The following DDX17 variants were observed in gnomAD, a reference collection of about 807,000 sequenced individuals.
The protein encoded by DDX17 is DEAD-box helicase 17, also known as probable ATP-dependent RNA helicase DDX17.
A neutral mutation model predicts 80.8 loss-of-function variants in DDX17; 10 were observed. The ratio of observed to expected loss-of-function variants is 0.12; its 90% CI spans 0.08 to 0.21. The LOEUF is 0.21. Among genes scored for constraint, DDX17 ranks in the 10% least tolerant of loss-of-function variants. The pLI is 1.00. For synonymous variants in DDX17, 339 were observed against 336.2 expected (o/e 1.01, Z -0.09); for missense variants, 586 against 957.4 (o/e 0.61, Z 5.12).
intron 9 of DDX17, 25 bp from the exon 10 acceptor site, chr22:38,493,796 T>C (rs1440942239): frequency 6.2e-7 from 1 of 1,604,790 alleles, no homozygotes; most frequent in Non-Finnish European, 8.5e-7. Context: ...GTGACCAATA[T>C]TTTAAAAATC....
Position 38,490,091 on chromosome 22 carries a change from T to A in DDX17, c.1447+1965A>T, listed in dbSNP as rs2089698288. ...ATGCAAGTTCTTCATACTAGAAAGG[T>A]GTCCTGTGTGTGCATGCACAGCTGG... On this transcript the variant is annotated intron_variant, in intron 11 of 12. Coordinates refer to ENST00000403230, the MANE Select transcript of DDX17 (RefSeq NM_006386.5). 5.5e-6 allele frequency: 6 copies of A among 1,100,038 alleles called. No homozygotes were observed. In the South Asian group the frequency reaches 1.1e-4, roughly 21 times the overall value. 68.1% of individuals were successfully genotyped at this position (1,100,038 alleles called of 1,614,324 possible).
rs187286964 is a variant in DDX17, at chr22:38,500,607, G to A, written c.438+523C>T. Among the ~76,000 whole-genome samples, 398 of 150,922 alleles carry A rather than the reference G, an allele frequency of 2.6e-3. 1 individual carries two copies. The highest frequency in any genetic ancestry group is 0.021 in the Middle Eastern group (6 of 286). On this transcript the variant is annotated intron_variant, in intron 2 of 12. Coordinates refer to ENST00000403230, the MANE Select transcript of DDX17 (RefSeq NM_006386.5). ...GTCGATCACCTGAGGTCCGAGGTCC[G>A]GAGTTTGAGACCAGCCTGCCCAACA...
In DDX17 at chr22:38,483,967, A is replaced by C. The variant is rs1238603559; in HGVS notation, c.*1968T>G. The stretch of plus-strand genomic sequence containing the variant: ...CCCAGGTGGAAAAAGGGAAGCAAGC[A>C]ATCCAAATAACCACTTGCTTGCCCA... On this transcript the variant is annotated 3_prime_UTR_variant, in exon 13 of 13. Transcript: ENST00000403230. 1 of 152,502 alleles carries C rather than the reference A, an allele frequency of 6.6e-6. No homozygotes were observed. Among genetic ancestry groups the C allele is most frequent in the Non-Finnish European group, 1.5e-5 (1 of 68,052 alleles). The allele number at this position is 152,502 out of a possible 1,614,324, so 9.4% of individuals were successfully genotyped here.
rs2089624938 is a variant in DDX17 at position 38,483,717 on chromosome 22, T to C, written c.*2218A>G. On this transcript the variant is annotated 3_prime_UTR_variant, in exon 13 of 13. Transcript: ENST00000403230. ...GGGAGGATTGGGGAGAAGCAGCCCA[T>C]TGCTTAATACATTGGAACCCTTTCC... The C allele has an allele frequency of 6.6e-6, 1 of 152,512 alleles. No individual in the cohort carries two copies. Among genetic ancestry groups the C allele is most frequent in the East Asian group, 1.9e-4 (1 of 5,174 alleles). 9.4% of individuals were successfully genotyped at this position (152,512 alleles called of 1,614,324 possible). A position where few individuals can be genotyped will look rare whatever the true frequency, so the allele number is the denominator to read the frequency against.
chr22:38,504,630 A>C (rs1434340935), intron 1 of DDX17, among the ~76,000 whole-genome samples: 1 of 152,226 alleles, frequency 6.6e-6, no homozygotes, highest in Admixed American at 6.6e-5. Flanking sequence ...TAAGGTATAA[A>C]TCAAAATAAT....
At chr22:38,486,604 TC>T (rs2089662678) in intron 12 of DDX17, among the ~76,000 whole-genome samples, 164 bp from the exon 13 acceptor site, 1 of 152,196 alleles carries the variant, frequency 6.6e-6, no homozygotes, top group Non-Finnish European at 1.5e-5. Context: ...ATAATTTGAT[TC>T]TTTAATGGGG....
At position 38,486,293 on chromosome 22, in the gene DDX17, G is replaced by A; in HGVS notation, c.1832C>T (p.Ala611Val). 1.2e-6 allele frequency: 2 copies of A among 1,614,154 alleles called. No individual in the cohort carries two copies. Among genetic ancestry groups the A allele is most frequent in the Non-Finnish European group, 1.7e-6 (2 of 1,180,034 alleles). The stretch of plus-strand genomic sequence containing the variant: ...ATAGCCACTGCCATTAGCATAACCA[G>A]CTCTATCGGTTTCACTACGATCCCG... Residue 611 changes from alanine to valine, a missense_variant, in exon 13 of 13, where the codon GCT (alanine) becomes GTT (valine). Around this residue, in one of 4 missense-constraint regions of DDX17, gnomAD observed 221 missense variants for 261.4 expected, o/e 0.85. Transcript: ENST00000403230.
rs1439586262 is a variant in DDX17 at position 38,495,862 on chromosome 22, T to C, written c.814A>G (p.Arg272Gly). 2 of 1,612,316 alleles carry C rather than the reference T, an allele frequency of 1.2e-6. No individual in the cohort carries two copies. Among genetic ancestry groups the C allele is most frequent in the Non-Finnish European group, 1.7e-6 (2 of 1,179,308 alleles). The stretch of plus-strand genomic sequence containing the variant: ...CCATAAATACAAGTACTCTTCAATC[T>C]AGAACATTTGCCATAGTCATCGGCC... The change falls in exon 6 of 13, where the codon AGA becomes GGA. Residue 272 changes from arginine (R) to glycine (G), a missense_variant. Coordinates refer to ENST00000403230, the MANE Select transcript of DDX17 (RefSeq NM_006386.5).
At chr22:38,488,488 T>C in intron 11 of DDX17, 1 of 1,091,574 alleles carries the variant, frequency 9.2e-7, no homozygotes, top group Non-Finnish European at 1.1e-6. Context: ...TAGAACAAAG[T>C]GGTAAACCAC....
At position 38,506,249 on chromosome 22, in the gene DDX17, C is replaced by G. The variant is rs771881025; in HGVS notation, c.-12G>C. 5.0e-6 allele frequency: 8 copies of G among 1,595,792 alleles called. No homozygotes were observed. The highest frequency in any genetic ancestry group is 6.8e-6 in the Non-Finnish European group (8 of 1,172,654). ...AAGCCGGTGGGCAGGTTTGGCTACG[C>G]TCAAACCGGGCAGTGCCGCGGTTTA... On this transcript the variant is annotated 5_prime_UTR_variant, in exon 1 of 13. Transcript: ENST00000403230.
intron 11 of DDX17, chr22:38,490,332 A>T (rs1254800949): frequency 7.8e-7 from 1 of 1,289,128 alleles, no homozygotes; most frequent in South Asian, 1.2e-5. Flanking sequence ...AATCACTAAT[A>T]AGGAGGGACT....
At chr22:38,501,745 A>G (rs532632859) in intron 1 of DDX17, among the ~76,000 whole-genome samples, 1 of 152,362 alleles carries the variant, frequency 6.6e-6, no homozygotes, top group Non-Finnish European at 1.5e-5. Flanking sequence ...GCCAGCACTC[A>G]GTACAAGTTA....
chr22:38,490,161 C>G, intron 11 of DDX17: 1 of 1,155,228 alleles, frequency 8.7e-7, no homozygotes, highest in Non-Finnish European at 1.1e-6. Context: ...TTTCTCCAGT[C>G]AAGTCTACCC....
intron 6 of DDX17, among the ~76,000 whole-genome samples, chr22:38,495,320 A>T (rs1285246681): frequency 7.1e-6 from 1 of 141,466 alleles, no homozygotes; most frequent in Admixed American, 7.7e-5. Context: ...ATCTCGGCTC[A>T]CTGCAAGCTC....
At chr22:38,488,237 G>C in intron 11 of DDX17, 122 bp from the exon 12 acceptor site, 1 of 1,587,252 alleles carries the variant, frequency 6.3e-7, no homozygotes, top group Non-Finnish European at 8.6e-7. Context: ...AGAAGGTGAA[G>C]TTAGTAACCA....
At position 38,486,299 on chromosome 22, in the gene DDX17, T is replaced by A; in HGVS notation, c.1826A>T (p.Asp609Val). Residue 609 changes from aspartate (D) to valine (V), a missense_variant, in exon 13 of 13, where the codon GAT becomes GTT. Around this residue, in one of 4 missense-constraint regions of DDX17, gnomAD observed 221 missense variants for 261.4 expected, o/e 0.85. Transcript: ENST00000403230. ...ACTGCCATTAGCATAACCAGCTCTA[T>A]CGGTTTCACTACGATCCCGATAGCT... 6.2e-7 allele frequency: 1 copy of A among 1,614,232 alleles called. No homozygotes were observed.
At chr22:38,499,344 T>C (rs1352013187) in intron 3 of DDX17, 56 bp downstream of exon 3, 2 of 1,348,808 alleles carry the variant, frequency 1.5e-6, no homozygotes, top group Admixed American at 1.7e-5. Flanking sequence ...CTACTACCCT[T>C]GTCTCCCATT....
chr22:38,499,011 T>C (rs2089799711), intron 3 of DDX17, among the ~76,000 whole-genome samples: 1 of 152,088 alleles, frequency 6.6e-6, no homozygotes, highest in African/African-American at 2.4e-5. Flanking sequence ...AGACTCCGTT[T>C]CCAAAAACAA....
At chr22:38,494,166 G>T in intron 8 of DDX17, 35 bp from the exon 9 acceptor site, 2 of 1,407,566 alleles carry the variant, frequency 1.4e-6, no homozygotes, top group Non-Finnish European at 2.0e-6. Flanking sequence ...TCATCACACA[G>T]AAAGTTATTA....
Sources: gnomAD v4.1 joint callset for allele counts (sites outside exome capture counted in the v4.1 genomes callset) on GRCh38, gnomAD v4.1.1 for gene constraint, gnomAD v4.1.1 regional missense constraint, MANE v1.5 for transcripts, NCBI Gene and HGNC (gene_info 2026-07-23, HGNC 2026-07-21) for gene names.